The following KCNIP4 variants were observed in gnomAD, a reference collection of about 807,000 sequenced individuals.
KCNIP4 encodes the protein Kv channel-interacting protein 4.
In KCNIP4, 12 loss-of-function variants were observed where a neutral mutation model predicts 34.0. That is an observed-to-expected ratio of 0.35 (90% CI 0.23 to 0.57). The LOEUF (loss-of-function observed/expected upper bound fraction) is 0.57. Ranked by LOEUF, KCNIP4 falls within the 20% of genes least tolerant of loss-of-function variation. The pLI, the probability that KCNIP4 is intolerant of heterozygous loss-of-function variation, is 0.83. For missense variants in KCNIP4, 238 were observed against 311.7 expected (o/e 0.76, Z 1.78); for synonymous variants, 124 against 102.2 (o/e 1.21, Z -1.29).
At chr4:21,396,376 T>G (rs1722998684) in intron 1 of KCNIP4, among the ~76,000 whole-genome samples, 1 of 151,222 alleles carries the variant, frequency 6.6e-6, no homozygotes, top group Non-Finnish European at 1.5e-5. Context: ...GCCAAGATGG[T>G]GAAACTCTGT....
chr4:21,886,514 G>A (rs994296461), intron 1 of KCNIP4, among the ~76,000 whole-genome samples: 9 of 152,148 alleles, frequency 5.9e-5, no homozygotes, highest in African/African-American at 7.2e-5. Context: ...GGGAGTAAGC[G>A]GATGGGTTTC....
intron 1 of KCNIP4, among the ~76,000 whole-genome samples, chr4:21,055,721 A>ATCTATCAATAGAT (rs1743341774): frequency 6.6e-6 from 1 of 152,170 alleles, no homozygotes; most frequent in East Asian, 1.9e-4. Context: ...TCCAACTGTA[A>ATCTATCAATAGAT]TACATTCTAG....
At chr4:21,501,715 T>TGTGTGTGTGTGTGTGC (rs569245544) in intron 1 of KCNIP4, among the ~76,000 whole-genome samples, 24 of 150,726 alleles carry the variant, frequency 1.6e-4, no homozygotes, top group African/African-American at 5.1e-4. Context: ...TGTGTGTGTG[T>TGTGTGTGTGTGTGTGC]GCGTTGGAAG....
chr4:20,793,854 A>T (rs1051456093), intron 3 of KCNIP4, among the ~76,000 whole-genome samples: 3 of 151,878 alleles, frequency 2.0e-5, no homozygotes, highest in Non-Finnish European at 2.9e-5. Flanking sequence ...TAGATCCCTC[A>T]TGATATGGTT....
chr4:20,741,188 C>T (rs991512047), intron 5 of KCNIP4, among the ~76,000 whole-genome samples: 3 of 152,150 alleles, frequency 2.0e-5, no homozygotes, highest in African/African-American at 7.2e-5. Context: ...CAAGGATATC[C>T]AGGACTTGAA....
chr4:21,291,510 C>T (rs1026468248), intron 1 of KCNIP4, among the ~76,000 whole-genome samples: 3 of 151,998 alleles, frequency 2.0e-5, no homozygotes, highest in East Asian at 1.9e-4. Context: ...AGATGATTTA[C>T]GGCTAACACA....
chr4:21,912,156 T>C (rs1050577976), intron 1 of KCNIP4, among the ~76,000 whole-genome samples: 3 of 152,136 alleles, frequency 2.0e-5, no homozygotes, highest in African/African-American at 7.2e-5. Flanking sequence ...CAAATCCCTA[T>C]TATGTGCTGA....
At chr4:21,171,344 A>G (rs1754011087) in intron 1 of KCNIP4, among the ~76,000 whole-genome samples, 1 of 152,190 alleles carries the variant, frequency 6.6e-6, no homozygotes, top group African/African-American at 2.4e-5. Flanking sequence ...TAGATCCTGC[A>G]GAATGAGAGG....
intron 1 of KCNIP4, among the ~76,000 whole-genome samples, chr4:21,495,189 G>A (rs1560459927): frequency 1.3e-5 from 2 of 150,096 alleles, no homozygotes; most frequent in East Asian, 3.9e-4. Flanking sequence ...CTGGATGTTA[G>A]GATGTTGGGT....
At chr4:20,966,141 A>G (rs1412546950) in intron 1 of KCNIP4, among the ~76,000 whole-genome samples, 1 of 152,158 alleles carries the variant, frequency 6.6e-6, no homozygotes, top group Non-Finnish European at 1.5e-5. Flanking sequence ...TAGATGTAGG[A>G]TTTGGATGTT....
At chr4:21,715,630 C>T (rs973314436) in intron 1 of KCNIP4, among the ~76,000 whole-genome samples, 3 of 152,124 alleles carry the variant, frequency 2.0e-5, no homozygotes, top group Admixed American at 2.0e-4. Context: ...ATTTTCAACA[C>T]AGTTTAACAA....
At chr4:21,628,826 A>C (rs1385149993) in intron 1 of KCNIP4, among the ~76,000 whole-genome samples, 1 of 152,206 alleles carries the variant, frequency 6.6e-6, no homozygotes, top group African/African-American at 2.4e-5. Context: ...TTAATACCAT[A>C]ATAAATTATA....
At chr4:21,453,480 A>T (rs925728665) in intron 1 of KCNIP4, among the ~76,000 whole-genome samples, 10 of 152,026 alleles carry the variant, frequency 6.6e-5, no homozygotes, top group African/African-American at 2.4e-4. Flanking sequence ...CAGAACTGAA[A>T]GCCCCATCTA....
chr4:21,150,707 T>C (rs1480983143), intron 1 of KCNIP4, among the ~76,000 whole-genome samples: 1 of 152,262 alleles, frequency 6.6e-6, no homozygotes, highest in Non-Finnish European at 1.5e-5. Context: ...GAGAACTTAA[T>C]TGAATCAAAT....
At chr4:21,031,644 G>A (rs1741036137) in intron 1 of KCNIP4, among the ~76,000 whole-genome samples, 1 of 152,116 alleles carries the variant, frequency 6.6e-6, no homozygotes, top group African/African-American at 2.4e-5. Flanking sequence ...ATATCCCCTT[G>A]GCTTGGCTGT....
At chr4:21,332,428 A>G (rs1715750709) in intron 1 of KCNIP4, among the ~76,000 whole-genome samples, 1 of 152,032 alleles carries the variant, frequency 6.6e-6, no homozygotes, top group Non-Finnish European at 1.5e-5. Flanking sequence ...TGGATAAGAC[A>G]TGGGACCAGT....
At chr4:21,470,638 G>T (rs1020527759) in intron 1 of KCNIP4, among the ~76,000 whole-genome samples, 2 of 152,080 alleles carry the variant, frequency 1.3e-5, no homozygotes, top group Non-Finnish European at 2.9e-5. Flanking sequence ...GCTGGCAGGA[G>T]AGATGAAGAA....
intron 1 of KCNIP4, chr4:21,852,197 G>C (rs1006262811): frequency 7.7e-6 from 1 of 129,788 alleles, no homozygotes; most frequent in Non-Finnish European, 1.7e-5. Context: ...AAAGTCCAGA[G>C]AGTCTGTCCC....
At chr4:21,103,528 T>A (rs1748154444) in intron 1 of KCNIP4, among the ~76,000 whole-genome samples, 1 of 151,282 alleles carries the variant, frequency 6.6e-6, no homozygotes, top group African/African-American at 2.4e-5. Flanking sequence ...TTTATTCAAA[T>A]ATACTTCCCA....
Sources: gnomAD v4.1 joint callset for allele counts (sites outside exome capture counted in the v4.1 genomes callset) on GRCh38, gnomAD v4.1.1 for gene constraint, MANE v1.5 for transcripts, NCBI Gene and HGNC (gene_info 2026-07-23, HGNC 2026-07-21) for gene names.